Variants in TCF4 observed in about 807,000 individuals in gnomAD.
The protein encoded by TCF4 is SL3-3 enhancer factor 2.
A neutral mutation model predicts 82.1 loss-of-function variants in TCF4; 3 were observed. That is an observed-to-expected ratio of 0.04 (90% CI 0.02 to 0.09). The LOEUF (loss-of-function observed/expected upper bound fraction) is 0.09, where lower values mean the gene tolerates loss of function less well. TCF4 is among the 10% of genes least tolerant of loss of function. The probability of loss-of-function intolerance (pLI) is 1.00; values close to 1 mark genes in which losing one functional copy is unlikely to be tolerated. For missense variants in TCF4, 518 were observed against 852.7 expected (o/e 0.61, Z 4.89); for synonymous variants, 276 against 309.6 (o/e 0.89, Z 1.14).
intron 3 of TCF4, among the ~76,000 whole-genome samples, chr18:55,487,194 G>A (rs552647372): frequency 2.6e-5 from 4 of 152,216 alleles, no homozygotes; most frequent in South Asian, 4.2e-4. Context: ...CCTGGCTGTC[G>A]AGTCTCGTGT....
chr18:55,259,724 T>G, intron 13 of TCF4: 1 of 545,724 alleles, frequency 1.8e-6, no homozygotes, highest in Non-Finnish European at 3.3e-6. Flanking sequence ...TATGCCTGTA[T>G]ATTTTAAAAA....
chr18:55,610,023 T>C (rs2097705696), intron 2 of TCF4, among the ~76,000 whole-genome samples: 1 of 152,120 alleles, frequency 6.6e-6, no homozygotes, highest in Non-Finnish European at 1.5e-5. Flanking sequence ...ATAATCTCCA[T>C]GAAGGCAGGG....
chr18:55,290,619 C>T lies in TCF4; in HGVS notation c.550-10963G>A, dbSNP rs762890704. Among the ~76,000 whole-genome samples the T allele has an allele frequency of 7.2e-5, 11 of 152,110 alleles. No homozygotes were observed. The South Asian group carries it at 1.9e-3, about 26-fold the overall frequency. On this transcript the variant is annotated intron_variant, in intron 8 of 19. Transcript: ENST00000354452. The stretch of plus-strand genomic sequence containing the variant: ...ATAGTTTGACCTTTTGCATACAACC[C>T]TAAAGGCGCTCTTCTTATTTCTCCA...
intron 5 of TCF4, among the ~76,000 whole-genome samples, chr18:55,443,914 ACCCAACAAT>A (rs2095483132): frequency 1.3e-5 from 2 of 152,116 alleles, no homozygotes; most frequent in African/African-American, 4.8e-5. Context: ...CATTTACTTC[ACCCAACAAT>A]CCCAACAGAT....
intron 11 of TCF4, chr18:55,265,793 C>A (rs968296810): frequency 1.3e-5 from 2 of 152,126 alleles, no homozygotes; most frequent in African/African-American, 4.8e-5. Flanking sequence ...AAGTTCTAAG[C>A]CAGATTAATT....
At chr18:55,619,480 T>A (rs192880222) in intron 2 of TCF4, among the ~76,000 whole-genome samples, 1 of 152,208 alleles carries the variant, frequency 6.6e-6, no homozygotes, top group African/African-American at 2.4e-5. Flanking sequence ...TTCAAGTTCA[T>A]AAATCTTTTC....
In TCF4 at chr18:55,279,795, T is replaced by C; in HGVS notation, c.550-139A>G. 46 of 1,360,436 alleles carry C rather than the reference T, an allele frequency of 3.4e-5. 1 individual carries two copies. In the South Asian group the frequency reaches 6.3e-4, roughly 19 times the overall value. The allele number at this position is 1,360,436 out of a possible 1,614,324, so 84.3% of individuals were successfully genotyped here. A position where few individuals can be genotyped will look rare whatever the true frequency, so the allele number is the denominator to read the frequency against. On this transcript the variant is annotated intron_variant, in intron 8 of 19. Coordinates refer to ENST00000354452, the MANE Select transcript of TCF4 (RefSeq NM_001083962.2). ...AAATCTGAACAAACCCTAGAAACAGTGCCCTTTCCGAACACACTAAAACAA... is the reference window on the plus strand; with the variant it reads ...AAATCTGAACAAACCCTAGAAACAGCGCCCTTTCCGAACACACTAAAACAA...
At chr18:55,559,594 T>C (rs532025806) in intron 3 of TCF4, among the ~76,000 whole-genome samples, 9 of 151,906 alleles carry the variant, frequency 5.9e-5, no homozygotes, top group Admixed American at 5.3e-4. Flanking sequence ...CTTAAATTAC[T>C]TGTAGCTGTC....
upstream of TCF4, chr18:55,588,415 A>C: frequency 6.5e-7 from 1 of 1,533,830 alleles, no homozygotes; most frequent in Non-Finnish European, 8.7e-7. Context: ...AAAAAAAAAA[A>C]TCTCAACACC....
chr18:55,581,595 A>AT (rs140167821), intron 3 of TCF4, among the ~76,000 whole-genome samples: 3 of 151,232 alleles, frequency 2.0e-5, no homozygotes, highest in Non-Finnish European at 3.0e-5. Context: ...GGGGAAACCA[A>AT]TTTTTTTTTC....
At chr18:55,329,539 T>C (rs1414391984) in intron 8 of TCF4, among the ~76,000 whole-genome samples, 1 of 152,236 alleles carries the variant, frequency 6.6e-6, no homozygotes, top group East Asian at 1.9e-4. Context: ...CATAAACTTT[T>C]ATTGAGCATA....
chr18:55,429,774 A>AAC (rs889897802), intron 5 of TCF4, among the ~76,000 whole-genome samples: 3 of 150,326 alleles, frequency 2.0e-5, no homozygotes, highest in East Asian at 3.9e-4. Flanking sequence ...CAAAAAAAAA[A>AAC]AAAAAAAAAA....
At chr18:55,505,447 T>C (rs1478460464) in intron 3 of TCF4, among the ~76,000 whole-genome samples, 3 of 152,178 alleles carry the variant, frequency 2.0e-5, no homozygotes, top group Non-Finnish European at 2.9e-5. Context: ...AAATAACTTA[T>C]TTAGTCCTCA....
At chr18:55,631,191 A>C in intron 2 of TCF4, 1 of 480,434 alleles carries the variant, frequency 2.1e-6, no homozygotes, top group Non-Finnish European at 3.8e-6. Flanking sequence ...TTGGGACTAC[A>C]GGCACATGCC....
chr18:55,276,481 T>C (rs1277556406), intron 9 of TCF4, among the ~76,000 whole-genome samples: 1 of 152,164 alleles, frequency 6.6e-6, no homozygotes, highest in Non-Finnish European at 1.5e-5. Context: ...TAAAATTATA[T>C]AAAGTATCTT....
At chr18:55,384,382 C>T (rs939747436) in intron 6 of TCF4, among the ~76,000 whole-genome samples, 4 of 152,176 alleles carry the variant, frequency 2.6e-5, no homozygotes, top group Non-Finnish European at 5.9e-5. Flanking sequence ...CCACTCACAC[C>T]AGCACATGAG....
intron 5 of TCF4, among the ~76,000 whole-genome samples, chr18:55,447,980 C>G (rs1268278308): frequency 3.2e-5 from 4 of 125,102 alleles, no homozygotes; most frequent in Non-Finnish European, 6.2e-5. Flanking sequence ...AATGAACAAC[C>G]CTATTGTTTT....
At chr18:55,586,363 T>A in intron 2 of TCF4, 1 of 587,302 alleles carries the variant, frequency 1.7e-6, no homozygotes, top group Non-Finnish European at 3.0e-6. Flanking sequence ...CTGACATGTC[T>A]GGGACTTGGT....
Position 55,563,032 on chromosome 18 carries a change from G to A in TCF4, c.145+22248C>T, listed in dbSNP as rs746961892. Among the ~76,000 whole-genome samples, 11 of 152,142 alleles carry A rather than the reference G, an allele frequency of 7.2e-5. No individual in the cohort carries two copies. In the East Asian group the frequency reaches 1.2e-3, roughly 16 times the overall value. On this transcript the variant is annotated intron_variant, in intron 3 of 19. Transcript: ENST00000354452. ...AGGCAGGCAGATCACTTGAGCCTAC[G>A]AGTTACGGACCAGCCTGGGCAACAT...
Sources: gnomAD v4.1 joint callset for allele counts (sites outside exome capture counted in the v4.1 genomes callset) on GRCh38, gnomAD v4.1.1 for gene constraint, MANE v1.5 for transcripts, NCBI Gene and HGNC (gene_info 2026-07-23, HGNC 2026-07-21) for gene names.